The following IFT80 variants were observed in gnomAD, a reference collection of about 807,000 sequenced individuals.
IFT80 encodes intraflagellar transport 80.
Under a neutral mutation model 107.9 loss-of-function variants are expected in IFT80, and 79 were observed. That is an observed-to-expected ratio of 0.73 (90% CI 0.61 to 0.88). The LOEUF is 0.88. Ranked by LOEUF, IFT80 falls within the 40% of genes least tolerant of loss-of-function variation. The pLI, the probability that IFT80 is intolerant of heterozygous loss-of-function variation, is 0.00. For missense variants in IFT80, 797 were observed against 914.2 expected, an observed-to-expected ratio of 0.87 and a Z score of 1.65; for synonymous variants, 299 against 300.9, an observed-to-expected ratio of 0.99 and a Z score of 0.07.
At chr3:160,268,675 C>G in intron 18 of IFT80, 139 bp from the exon 19 acceptor site, 1 of 826,590 alleles carries the variant, frequency 1.2e-6, no homozygotes, top group Non-Finnish European at 2.0e-6. Context: ...TCTACCTCAT[C>G]CATCTTGCAA....
intron 9 of IFT80, among the ~76,000 whole-genome samples, chr3:160,315,773 T>C (rs1717771165): frequency 6.6e-6 from 1 of 152,172 alleles, no homozygotes. Flanking sequence ...TATTTATGTA[T>C]AGTTTTCCAA....
chr3:160,283,024 T>C (rs1012687281), intron 13 of IFT80, among the ~76,000 whole-genome samples: 2 of 152,154 alleles, frequency 1.3e-5, no homozygotes, highest in African/African-American at 4.8e-5. Context: ...ATTTTGGAAA[T>C]ATGTGGAAAT....
At chr3:160,398,276 T>A (rs575977854) in intron 1 of IFT80, among the ~76,000 whole-genome samples, 12 of 152,302 alleles carry the variant, frequency 7.9e-5, no homozygotes, top group African/African-American at 2.9e-4. Context: ...TGAGAATCAC[T>A]GAACCTGACT....
At chr3:160,264,149 G>A (rs1713094799) in intron 19 of IFT80, among the ~76,000 whole-genome samples, 1 of 151,564 alleles carries the variant, frequency 6.6e-6, no homozygotes, top group African/African-American at 2.4e-5. Context: ...TTGCTCTGTT[G>A]CCCAGGTTGG....
rs572222962 is a variant in IFT80, at chr3:160,278,099, C to T, written c.1837-429G>A. ...ATAGTGAGGGTACAGAAGTCCTTTA[C>T]GATAAGGTTTTCCTTTTAATGAAAA... On this transcript the variant is annotated intron_variant, in intron 16 of 19. Transcript: ENST00000326448. Among the ~76,000 whole-genome samples the T allele has an allele frequency of 6.6e-5, 10 of 152,224 alleles. 1 individual carries two copies. Among genetic ancestry groups the T allele is most frequent in the African/African-American group, 2.4e-4 (10 of 41,542 alleles).
intron 9 of IFT80, among the ~76,000 whole-genome samples, chr3:160,308,511 T>C (rs1276325499): frequency 1.3e-5 from 2 of 152,122 alleles, no homozygotes; most frequent in African/African-American, 4.8e-5. Context: ...GCAAGTTAAA[T>C]TTACGTATCT....
intron 6 of IFT80, among the ~76,000 whole-genome samples, chr3:160,361,581 C>T (rs1240825810): frequency 1.3e-5 from 2 of 152,190 alleles, no homozygotes; most frequent in African/African-American, 4.8e-5. Flanking sequence ...ACATTATTCT[C>T]AGCACCACAC....
At chr3:160,362,423 C>T (rs1721560262) in intron 6 of IFT80, among the ~76,000 whole-genome samples, 1 of 152,150 alleles carries the variant, frequency 6.6e-6, no homozygotes, top group Non-Finnish European at 1.5e-5. Flanking sequence ...GATTCACAGC[C>T]GAATTCTACC....
rs1313810495 is a variant in IFT80 at position 160,319,889 on chromosome 3, T to G, written c.828A>C (p.Ala276=). The change falls in exon 9 of 20, where the codon GCA becomes GCC. Residue 276 remains alanine, a synonymous_variant. Transcript: ENST00000326448. The part of the protein sequence containing the change: ...KPNTGSIFNI[A]WSIDGTQIAG... ...CAATCTGAGTGCCATCGATAGACCA[T>G]GCAATATTAAATATGCTGCCAGTGT... The G allele has an allele frequency of 1.2e-6, 2 of 1,612,490 alleles. No individual in the cohort carries two copies. Among genetic ancestry groups the G allele is most frequent in the South Asian group, 1.1e-5 (1 of 91,030 alleles).
At chr3:160,365,766 A>G (rs1721820820) in intron 6 of IFT80, among the ~76,000 whole-genome samples, 1 of 152,098 alleles carries the variant, frequency 6.6e-6, no homozygotes, top group Non-Finnish European at 1.5e-5. Flanking sequence ...TAGGTAAGTG[A>G]GTGAAGATTT....
At chr3:160,395,701 A>T (rs1163645170) in intron 1 of IFT80, among the ~76,000 whole-genome samples, 4 of 152,246 alleles carry the variant, frequency 2.6e-5, no homozygotes, top group African/African-American at 7.2e-5. Context: ...AGAGGCCATC[A>T]TACGGAACCT....
chr3:160,349,681 T>C (rs1357929041), intron 8 of IFT80, among the ~76,000 whole-genome samples: 1 of 152,160 alleles, frequency 6.6e-6, no homozygotes, highest in Non-Finnish European at 1.5e-5. Context: ...GGGCTACATT[T>C]AAGGGTAACA....
intron 1 of IFT80, among the ~76,000 whole-genome samples, chr3:160,390,366 G>A (rs530582215): frequency 2.0e-5 from 3 of 150,954 alleles, no homozygotes; most frequent in African/African-American, 7.3e-5. Flanking sequence ...GCAGTAAGCC[G>A]AGATCGCACC....
chr3:160,384,693 A>G, intron 1 of IFT80, 47 bp from the exon 2 acceptor site: 4 of 1,439,212 alleles, frequency 2.8e-6, no homozygotes, highest in Non-Finnish European at 3.9e-6. Context: ...ATTAAAAACA[A>G]ATGTACGTAT....
At chr3:160,263,394 T>C (rs1330831302) in intron 19 of IFT80, among the ~76,000 whole-genome samples, 1 of 152,234 alleles carries the variant, frequency 6.6e-6, no homozygotes. Context: ...AGTCATTCTC[T>C]TGATTACAAA....
intron 6 of IFT80, among the ~76,000 whole-genome samples, chr3:160,360,826 C>G (rs901127778): frequency 6.6e-6 from 1 of 152,132 alleles, no homozygotes; most frequent in Non-Finnish European, 1.5e-5. Flanking sequence ...TTTGTCACCA[C>G]CAGGCCTGCC....
intron 3 of IFT80, 83 bp downstream of exon 3, chr3:160,381,420 T>A (rs1712509232): frequency 1.9e-6 from 2 of 1,062,238 alleles, no homozygotes; most frequent in Admixed American, 1.9e-5. Flanking sequence ...AATACCAGTT[T>A]TGTAAAACAA....
intron 7 of IFT80, 27 bp downstream of exon 7, chr3:160,357,462 C>G (rs1559958619): frequency 1.7e-6 from 2 of 1,169,624 alleles, no homozygotes; most frequent in South Asian, 2.6e-5. Context: ...TTATTTCAGC[C>G]AAGTGATAAA....
chr3:160,269,858 C>T (rs1053600915), intron 18 of IFT80, among the ~76,000 whole-genome samples: 4 of 152,284 alleles, frequency 2.6e-5, no homozygotes, highest in South Asian at 4.1e-4. Flanking sequence ...ATATGACATA[C>T]GACTTCTGAA....
Sources: allele counts gnomAD v4.1 joint callset (sites outside exome capture counted in the v4.1 genomes callset), GRCh38; gene constraint gnomAD v4.1.1; transcripts MANE v1.5; gene names NCBI Gene and HGNC (gene_info 2026-07-23, HGNC 2026-07-21).